Variants in DHX30 observed in about 807,000 individuals in gnomAD.
DHX30 encodes the protein ATP-dependent RNA helicase DHX30.
A neutral mutation model predicts 116.9 loss-of-function variants in DHX30; 4 were observed. That is an observed-to-expected ratio of 0.03 (90% confidence interval 0.02 to 0.08). The LOEUF (loss-of-function observed/expected upper bound fraction) is 0.08, where lower values mean the gene tolerates loss of function less well. Ranked by LOEUF, DHX30 falls within the 10% of genes least tolerant of loss-of-function variation. The pLI is 1.00. For missense variants in DHX30, 871 were observed against 1,595.1 expected (o/e 0.55, Z 7.73); for synonymous variants, 697 against 651.7 (o/e 1.07, Z -1.06).
rs1264109830 is a variant in DHX30, at chr3:47,817,465, CTT to C, written c.29-554_29-553del. Reference sequence around the variant, plus strand: ...AGTATTTGGAATGGCAGGTTGTTCTCTTTTAGAAAGAGGGAGAAGGCTGGTAA... The same window carrying C: ...AGTATTTGGAATGGCAGGTTGTTCTCTTAGAAAGAGGGAGAAGGCTGGTAA... On this transcript the variant is annotated intron_variant, in intron 3 of 21. Coordinates refer to ENST00000445061, the MANE Select transcript of DHX30 (RefSeq NM_138615.3). 3.3e-5 allele frequency among the ~76,000 whole-genome samples: 5 copies of C among 152,296 alleles called. No individual in the cohort carries two copies. The East Asian group carries it at 9.6e-4, about 29-fold the overall frequency.
At chr3:47,813,146 G>C (rs2035877583) in intron 3 of DHX30, among the ~76,000 whole-genome samples, 1 of 151,848 alleles carries the variant, frequency 6.6e-6, no homozygotes, top group African/African-American at 2.4e-5. Flanking sequence ...AGACCATCCT[G>C]GCCAATATGG....
chr3:47,827,149 T>C (rs2036588765), intron 4 of DHX30, among the ~76,000 whole-genome samples, 198 bp from the exon 5 acceptor site: 1 of 151,982 alleles, frequency 6.6e-6, no homozygotes. Flanking sequence ...CAGGAGATGG[T>C]TATTCAAGTG....
intron 8 of DHX30, chr3:47,842,828 G>T (rs757077317): frequency 2.9e-6 from 1 of 342,494 alleles, no homozygotes; most frequent in Non-Finnish European, 5.4e-6. Context: ...ATGTTGCCGA[G>T]ATGACAGTGG....
chr3:47,829,177 A>G, intron 6 of DHX30, 43 bp downstream of exon 6: 1 of 1,126,688 alleles, frequency 8.9e-7, no homozygotes, highest in Non-Finnish European at 1.3e-6. Context: ...TTCCTCCTGG[A>G]AACTCCTTGC....
chr3:47,809,393 A>T (rs1576459128), intron 2 of DHX30, among the ~76,000 whole-genome samples: 1 of 151,496 alleles, frequency 6.6e-6, no homozygotes, highest in African/African-American at 2.4e-5. Context: ...AGGCCCGCAC[A>T]ACCATGCCTG....
chr3:47,807,687 G>C (rs1363613052), intron 2 of DHX30, among the ~76,000 whole-genome samples: 1 of 129,020 alleles, frequency 7.8e-6, no homozygotes, highest in Non-Finnish European at 1.6e-5. Context: ...CCTGGTGACA[G>C]AGCGAGACTC....
At chr3:47,813,874 A>ATT (rs1295290828) in intron 3 of DHX30, among the ~76,000 whole-genome samples, 2 of 47,354 alleles carry the variant, frequency 4.2e-5, no homozygotes, top group Non-Finnish European at 9.0e-5. Flanking sequence ...GAAAAAATTT[A>ATT]TTTCTGTCAT....
intron 3 of DHX30, among the ~76,000 whole-genome samples, chr3:47,811,649 T>C (rs927406358): frequency 6.6e-6 from 1 of 152,158 alleles, no homozygotes; most frequent in Non-Finnish European, 1.5e-5. Context: ...TGGCATCTGT[T>C]TGGCTTCTGG....
At chr3:47,834,895 C>G (rs1430721475) in intron 6 of DHX30, among the ~76,000 whole-genome samples, 1 of 152,198 alleles carries the variant, frequency 6.6e-6, no homozygotes, top group Non-Finnish European at 1.5e-5. Context: ...GTGCAGACAT[C>G]CCTATGAGCT....
intron 6 of DHX30, among the ~76,000 whole-genome samples, chr3:47,839,509 G>C (rs951412353): frequency 5.3e-5 from 8 of 151,914 alleles, no homozygotes; most frequent in Admixed American, 3.9e-4. Flanking sequence ...GGTCAGGCTG[G>C]TCTCAAACTC....
At chr3:47,840,848 A>G (rs369639914) in intron 6 of DHX30, 29 bp from the exon 7 acceptor site, 19 of 1,613,774 alleles carry the variant, frequency 1.2e-5, no homozygotes, top group Non-Finnish European at 1.5e-5. Context: ...GATGGTATCA[A>G]TCCTTAAAAC....
intron 1 of DHX30, among the ~76,000 whole-genome samples, chr3:47,804,091 C>G (rs969035288): frequency 1.3e-5 from 2 of 152,106 alleles, no homozygotes; most frequent in African/African-American, 4.8e-5. Context: ...GGTGGTAACC[C>G]CACTGTCATT....
At chr3:47,812,621 G>A (rs1235708012) in intron 3 of DHX30, among the ~76,000 whole-genome samples, 1 of 151,450 alleles carries the variant, frequency 6.6e-6, no homozygotes, top group Admixed American at 6.6e-5. Context: ...CAAGCCATGA[G>A]GGATCCATTC....
chr3:47,841,307 C>T (rs2107110247), intron 7 of DHX30, 129 bp downstream of exon 7: 1 of 1,373,226 alleles, frequency 7.3e-7, no homozygotes, highest in East Asian at 2.5e-5. Context: ...TGTGCCCCAT[C>T]ACTCAGTGTG....
chr3:47,846,067 G>C, intron 10 of DHX30, 98 bp from the exon 11 acceptor site: 1 of 1,451,670 alleles, frequency 6.9e-7, no homozygotes, highest in Non-Finnish European at 9.3e-7. Context: ...AGCGGGTTGG[G>C]CCACAACATC....
chr3:47,817,961 AG>A, intron 3 of DHX30, 60 bp from the exon 4 acceptor site: 1 of 780,660 alleles, frequency 1.3e-6, no homozygotes, highest in Admixed American at 1.7e-5. Flanking sequence ...GAGTCAGTTC[AG>A]GGGTCTGTGA....
chr3:47,847,394 C>T lies in DHX30; in HGVS notation c.2006-38C>T. The T allele has an allele frequency of 6.2e-7, 1 of 1,614,134 alleles. No homozygotes were observed. Among genetic ancestry groups the T allele is most frequent in the South Asian group, 1.1e-5 (1 of 91,080 alleles). ...CCCATGCTAGCCCTGGCCACGTTTG[C>T]AGCAACAGCTGGCTCATGCCCCAGG... is the stretch of plus-strand genomic sequence containing the variant. On this transcript the variant is annotated intron_variant, in intron 12 of 21. Transcript: ENST00000445061. The surrounding 1 kb of genome is among the most constrained non-coding windows in gnomAD (Gnocchi z 5.5).
rs562507075 is a variant in DHX30 at position 47,807,879 on chromosome 3, G to GCCA, written c.-28+2462_-28+2464dup. Reference sequence around the variant, plus strand: ...CAAAGTGCTGGGACTACAGGCATGAGCCACCCCACCTAGCCATTAAATTTT... The same window carrying GCCA: ...CAAAGTGCTGGGACTACAGGCATGAGCCACCACCCCACCTAGCCATTAAATTTT... On this transcript the variant is annotated intron_variant, in intron 2 of 21. Transcript: ENST00000445061. Among the ~76,000 whole-genome samples, 461 of 150,654 alleles carry GCCA rather than the reference G, an allele frequency of 3.1e-3. 2 individuals carry two copies. The highest frequency in any genetic ancestry group is 4.5e-3 in the Non-Finnish European group (304 of 67,692).
chr3:47,846,659 C>G lies in DHX30; in HGVS notation c.1587C>G (p.Gly529=), dbSNP rs759863374. ...VRLESKPPSR[G]GALLFCTVGI... ...TGGAAAGTAAGCCCCCATCCCGAGG[C>G]GGGGCCCTGCTCTTCTGCACTGTGG... Residue 529 remains glycine (G), a synonymous_variant, in exon 11 of 22, where the codon GGC becomes GGG. Coordinates refer to ENST00000445061, the MANE Select transcript of DHX30 (RefSeq NM_138615.3). The G allele has an allele frequency of 1.2e-6, 2 of 1,613,870 alleles. No homozygotes were observed. Among genetic ancestry groups the G allele is most frequent in the Non-Finnish European group, 1.7e-6 (2 of 1,179,948 alleles).
Sources: gnomAD v4.1 joint callset for allele counts (sites outside exome capture counted in the v4.1 genomes callset) on GRCh38, gnomAD v4.1.1 for gene constraint, Gnocchi (gnomAD v3.1) non-coding constraint, MANE v1.5 for transcripts, NCBI Gene and HGNC (gene_info 2026-07-23, HGNC 2026-07-21) for gene names.